The following SH3BGR variants were observed in gnomAD, a reference collection of about 807,000 sequenced individuals.
SH3BGR encodes SH3 domain-binding glutamic acid-rich protein.
In SH3BGR, 29 loss-of-function variants were observed where a neutral mutation model predicts 24.5. That is an observed-to-expected ratio of 1.18 (90% CI 0.88 to 1.61). The LOEUF is 1.61. SH3BGR is among the 40% of genes most tolerant of loss of function. SH3BGR has a pLI of 0.00. For synonymous variants in SH3BGR, 55 were observed against 65.7 expected (o/e 0.84, Z 0.79); for missense variants, 162 against 205.8 (o/e 0.79, Z 1.30).
Position 39,511,191 on chromosome 21 carries a change from GTGTT to G in SH3BGR, c.436-486_436-483del, listed in dbSNP as rs1048928628. On this transcript the variant is annotated intron_variant, in intron 5 of 6. Coordinates refer to ENST00000333634, the MANE Select transcript of SH3BGR (RefSeq NM_007341.3). The surrounding 1 kb of genome is among the most constrained non-coding windows in gnomAD (Gnocchi z 4.2). ...GTGTGTGGTGTATATGGTGTGTGGT[GTGTT>G]TGGTGTGTGTGTGTGTGATGTGTGT... 2.0e-5 allele frequency among the ~76,000 whole-genome samples: 3 copies of G among 150,762 alleles called. No individual in the cohort carries two copies. The highest frequency in any genetic ancestry group is 4.4e-5 in the Non-Finnish European group (3 of 67,560).
chr21:39,452,801 G>A (rs1340158210), intron 1 of SH3BGR, among the ~76,000 whole-genome samples: 1 of 152,074 alleles, frequency 6.6e-6, no homozygotes, highest in Admixed American at 6.6e-5. Flanking sequence ...TTCAATTCTG[G>A]CCTTCATTCT....
At chr21:39,463,945 T>G (rs1310136194) in intron 2 of SH3BGR, among the ~76,000 whole-genome samples, 1 of 152,184 alleles carries the variant, frequency 6.6e-6, no homozygotes, top group Non-Finnish European at 1.5e-5. Flanking sequence ...AAGTTCGAAA[T>G]CAAGATGTGG....
At chr21:39,460,793 T>A (rs2077742436) in intron 1 of SH3BGR, among the ~76,000 whole-genome samples, 1 of 152,130 alleles carries the variant, frequency 6.6e-6, no homozygotes, top group East Asian at 1.9e-4. Flanking sequence ...AACAAAATTT[T>A]TATTTTATTT....
chr21:39,474,982 C>T (rs1360711318), intron 2 of SH3BGR, among the ~76,000 whole-genome samples, 153 bp from the exon 3 acceptor site: 1 of 152,106 alleles, frequency 6.6e-6, no homozygotes, highest in African/African-American at 2.4e-5. Flanking sequence ...TTTCTTAACT[C>T]TGGAGGTTAG....
At chr21:39,468,339 T>C (rs979406071) in intron 2 of SH3BGR, among the ~76,000 whole-genome samples, 1 of 152,230 alleles carries the variant, frequency 6.6e-6, no homozygotes, top group African/African-American at 2.4e-5. Flanking sequence ...GAGCAACCAT[T>C]GTATGCACTA....
At chr21:39,491,002 G>A (rs183443730) in intron 3 of SH3BGR, among the ~76,000 whole-genome samples, 16 of 152,098 alleles carry the variant, frequency 1.1e-4, no homozygotes, top group Admixed American at 3.3e-4. Context: ...AGAGTGCTGG[G>A]ATTACAGGCA....
At chr21:39,509,777 G>GATTA (rs371694906) in intron 5 of SH3BGR, among the ~76,000 whole-genome samples, 185 of 151,370 alleles carry the variant, frequency 1.2e-3, no homozygotes, top group African/African-American at 4.4e-3. Flanking sequence ...ACTGGGCCTG[G>GATTA]ATTAATCACT....
chr21:39,453,384 A>C (rs1399436221), intron 1 of SH3BGR, among the ~76,000 whole-genome samples: 1 of 151,610 alleles, frequency 6.6e-6, no homozygotes, highest in African/African-American at 2.4e-5. Flanking sequence ...AGAAGGAGTA[A>C]ATTTTTTGGC....
intron 1 of SH3BGR, among the ~76,000 whole-genome samples, chr21:39,455,351 C>T (rs1165916517): frequency 6.6e-6 from 1 of 152,238 alleles, no homozygotes; most frequent in African/African-American, 2.4e-5. Context: ...AGAGCCACTA[C>T]TCAGGACAGA....
intron 3 of SH3BGR, among the ~76,000 whole-genome samples, chr21:39,493,480 A>G (rs1446389169): frequency 6.6e-5 from 10 of 152,070 alleles, no homozygotes; most frequent in Admixed American, 4.6e-4. Flanking sequence ...CTATGTGCCT[A>G]TTTTTATACC....
chr21:39,448,898 C>T (rs2077541945), upstream of SH3BGR, among the ~76,000 whole-genome samples: 1 of 151,544 alleles, frequency 6.6e-6, no homozygotes, highest in South Asian at 2.1e-4. Context: ...TGCGCCCCCA[C>T]CCCCAAACGC....
At chr21:39,490,739 ATTTTT>A (rs55916184) in intron 3 of SH3BGR, among the ~76,000 whole-genome samples, 100 of 140,218 alleles carry the variant, frequency 7.1e-4, no homozygotes, top group Non-Finnish European at 8.1e-4. Flanking sequence ...GGTTTTGTGC[ATTTTT>A]TTTTTTTTTT....
chr21:39,508,328 T>C (rs975926950), intron 4 of SH3BGR, among the ~76,000 whole-genome samples: 40 of 152,226 alleles, frequency 2.6e-4, no homozygotes, highest in African/African-American at 9.4e-4. Context: ...TGTTTTCTTC[T>C]TAGAGGCATT....
chr21:39,447,244 C>T (rs938372497), upstream of SH3BGR, among the ~76,000 whole-genome samples: 6 of 151,830 alleles, frequency 4.0e-5, no homozygotes, highest in Non-Finnish European at 5.9e-5. Context: ...GTAACGAGAG[C>T]GGAGTTTTGC....
chr21:39,496,202 T>TA lies in SH3BGR; in HGVS notation c.313-3617dup, dbSNP rs545139840. Among the ~76,000 whole-genome samples, 287 of 152,322 alleles carry TA rather than the reference T, an allele frequency of 1.9e-3. 2 individuals carry two copies. Among genetic ancestry groups the TA allele is most frequent in the African/African-American group, 6.6e-3 (273 of 41,568 alleles). On this transcript the variant is annotated intron_variant, in intron 3 of 6. Coordinates refer to ENST00000333634, the MANE Select transcript of SH3BGR (RefSeq NM_007341.3). ...ATGTATATAAGACATGGATAAAATT[T>TA]AAAATTATCTTTATTTGGCCGGGCG...
chr21:39,450,010 A>G (rs2077555078), upstream of SH3BGR, among the ~76,000 whole-genome samples: 1 of 152,210 alleles, frequency 6.6e-6, no homozygotes, highest in Non-Finnish European at 1.5e-5. Context: ...AGAGATGCGT[A>G]TTCTCTAGAG....
intron 5 of SH3BGR, among the ~76,000 whole-genome samples, chr21:39,510,773 T>TTA (rs1323940292): frequency 2.0e-5 from 3 of 151,144 alleles, no homozygotes; most frequent in African/African-American, 7.3e-5. Context: ...AAATTCCAGA[T>TTA]TATATATATA....
chr21:39,464,309 ACCTC>A (rs1247564551), intron 2 of SH3BGR, among the ~76,000 whole-genome samples: 6 of 151,900 alleles, frequency 3.9e-5, no homozygotes, highest in Non-Finnish European at 8.8e-5. Flanking sequence ...TGCAACCTCT[ACCTC>A]CTGGGTTCAA....
chr21:39,511,706 G>A lies in SH3BGR; in HGVS notation c.462G>A (p.Ala154=), dbSNP rs748178786. 33 of 1,609,562 alleles carry A rather than the reference G, an allele frequency of 2.1e-5. No individual in the cohort carries two copies. Among genetic ancestry groups the A allele is most frequent in the Middle Eastern group, 1.8e-4 (1 of 5,566 alleles). Residue 154 remains alanine (A), a synonymous_variant, in exon 6 of 7, where the codon GCG becomes GCA. Transcript: ENST00000333634. The surrounding 1 kb of genome is among the most constrained non-coding windows in gnomAD (Gnocchi z 4.2). ...CGGAAGAAATAGCCATGGAGGGTGC[G>A]GAAGGGGAAGCCGAGGAGGAGGAAG... is the stretch of plus-strand genomic sequence containing the variant. ...EETEEIAMEG[A]EGEAEEEEET... is the part of the protein sequence containing the mutation.
Sources: gnomAD v4.1 joint callset for allele counts (sites outside exome capture counted in the v4.1 genomes callset) on GRCh38, gnomAD v4.1.1 for gene constraint, Gnocchi (gnomAD v3.1) non-coding constraint, MANE v1.5 for transcripts, NCBI Gene and HGNC (gene_info 2026-07-23, HGNC 2026-07-21) for gene names.